SLC25A48: variants seen among roughly 807,000 people sequenced by gnomAD.
SLC25A48 encodes CTC-321K16.1.
Under a neutral mutation model 32.2 loss-of-function variants are expected in SLC25A48, and 29 were observed. That is an observed-to-expected ratio of 0.90 (90% confidence interval 0.67 to 1.23). The LOEUF is 1.23. Ranked by LOEUF, SLC25A48 falls within the 50% of genes most tolerant of loss-of-function variation. SLC25A48 has a pLI of 0.00. For synonymous variants in SLC25A48, 164 were observed against 172.3 expected (o/e 0.95, Z 0.38); for missense variants, 399 against 422.7 (o/e 0.94, Z 0.49).
chr5:135,628,197 G>A (rs1268732830), intron 1 of SLC25A48, among the ~76,000 whole-genome samples: 2 of 152,164 alleles, frequency 1.3e-5, no homozygotes, highest in African/African-American at 4.8e-5. Flanking sequence ...ATTAGATGTG[G>A]AGTCTAAGAC....
chr5:135,623,700 C>T (rs1286475800), intron 1 of SLC25A48, among the ~76,000 whole-genome samples: 2 of 152,180 alleles, frequency 1.3e-5, no homozygotes, highest in African/African-American at 4.8e-5. Context: ...TTTATCCCAG[C>T]CTTACACAGA....
chr5:135,697,450 T>C (rs1242167734), intron 3 of SLC25A48, among the ~76,000 whole-genome samples: 3 of 152,230 alleles, frequency 2.0e-5, no homozygotes, highest in African/African-American at 7.2e-5. Context: ...CTGAGAGCCA[T>C]GCTGGCTGCG....
At chr5:135,867,746 G>A (rs956719826) in intron 4 of SLC25A48, among the ~76,000 whole-genome samples, 1 of 152,112 alleles carries the variant, frequency 6.6e-6, no homozygotes, top group East Asian at 1.9e-4. Flanking sequence ...GTGGTGGTGT[G>A]GTGCATTTTT....
At position 135,850,438 on chromosome 5, in the gene SLC25A48, C is replaced by T; in HGVS notation, c.104C>T (p.Ala35Val). Residue 35 changes from alanine (A) to valine (V), a missense_variant, in exon 3 of 8, where the codon GCT becomes GTT. Transcript: ENST00000681962. Reference sequence around the variant, plus strand: ...CTCTCTCCATAGACTCGCCTGCAGGCTGGCGTTGGCTACGGAAACACCCTC... The same window carrying T: ...CTCTCTCCATAGACTCGCCTGCAGGTTGGCGTTGGCTACGGAAACACCCTC... The part of the protein sequence containing the change: ...PLDTVKTRLQ[A>V]GVGYGNTLSC... The T allele has an allele frequency of 6.2e-7, 1 of 1,614,156 alleles. No homozygotes were observed. Among genetic ancestry groups the T allele is most frequent in the Non-Finnish European group, 8.5e-7 (1 of 1,180,024 alleles).
At chr5:135,852,418 C>G (rs1048383863) in intron 3 of SLC25A48, 145 bp from the exon 4 acceptor site, 9 of 1,011,124 alleles carry the variant, frequency 8.9e-6, no homozygotes, top group East Asian at 2.5e-5. Flanking sequence ...TTCCCCACCC[C>G]CTACCTCCTG....
upstream of SLC25A48, among the ~76,000 whole-genome samples, chr5:135,834,206 C>T (rs1236286280): frequency 1.3e-5 from 2 of 152,176 alleles, no homozygotes; most frequent in Non-Finnish European, 2.9e-5. Context: ...TGGCCCAGGG[C>T]GGACAGTGTA....
intron 3 of SLC25A48, among the ~76,000 whole-genome samples, chr5:135,774,034 C>T (rs1756484761): frequency 6.6e-6 from 1 of 151,650 alleles, no homozygotes; most frequent in African/African-American, 2.4e-5. Flanking sequence ...CAGTCTACAC[C>T]TCCCAAAATA....
chr5:135,794,500 G>T (rs552299589), intron 3 of SLC25A48, among the ~76,000 whole-genome samples: 17 of 151,910 alleles, frequency 1.1e-4, no homozygotes, highest in Non-Finnish European at 2.2e-4. Context: ...ATCGCAGTGG[G>T]TGTACACCTT....
At position 135,813,513 on chromosome 5, in the gene SLC25A48, GGAA is replaced by G. The variant is rs576293230; in HGVS notation, c.-117+589_-117+591del. ...GTCAGGGCCATAGATGGGGCGAGAGGGAAGGAGAGCTATAAGACCCTTGAGTAG... is the reference window on the plus strand; with the variant it reads ...GTCAGGGCCATAGATGGGGCGAGAGGGGAGAGCTATAAGACCCTTGAGTAG... On this transcript the variant is annotated intron_variant, in intron 4 of 10. Coordinates refer to the SLC25A48 transcript ENST00000646290. Among the ~76,000 whole-genome samples, 952 of 152,256 alleles carry G rather than the reference GGAA, an allele frequency of 6.3e-3. 5 individuals are homozygous for G. The highest frequency in any genetic ancestry group is 0.014 in the Middle Eastern group (4 of 294).
chr5:135,847,229 A>T (rs1432850494), intron 2 of SLC25A48, among the ~76,000 whole-genome samples: 1 of 152,232 alleles, frequency 6.6e-6, no homozygotes, highest in African/African-American at 2.4e-5. Flanking sequence ...AGTATCTATT[A>T]TATACCTAAC....
At chr5:135,874,210 C>T (rs1355499853) in intron 6 of SLC25A48, 56 bp downstream of exon 6, 1 of 1,395,190 alleles carries the variant, frequency 7.2e-7, no homozygotes, top group South Asian at 1.7e-5. Context: ...GTGGTTCACA[C>T]ATTTAGGGGG....
intron 3 of SLC25A48, among the ~76,000 whole-genome samples, chr5:135,747,726 A>G (rs1238208795): frequency 6.6e-6 from 1 of 152,202 alleles, no homozygotes; most frequent in Non-Finnish European, 1.5e-5. Context: ...ATTAAACTGC[A>G]ATGTATCAGT....
intron 4 of SLC25A48, among the ~76,000 whole-genome samples, chr5:135,868,959 T>G (rs1761432950): frequency 6.6e-6 from 1 of 152,136 alleles, no homozygotes; most frequent in South Asian, 2.1e-4. Flanking sequence ...GTTTAGACAC[T>G]GGGACAATTA....
In SLC25A48 at chr5:135,727,393, C is replaced by T. The variant is rs752048832; in HGVS notation, c.-520-85130C>T. ...TTAATCCTCCTAGCAGGGTCTTTTTCGGAGCAAAAGTTTTTAATTTTGATG... is the reference window on the plus strand; with the variant it reads ...TTAATCCTCCTAGCAGGGTCTTTTTTGGAGCAAAAGTTTTTAATTTTGATG... On this transcript the variant is annotated intron_variant, in intron 3 of 10. Coordinates refer to the SLC25A48 transcript ENST00000646290. 9.2e-5 allele frequency among the ~76,000 whole-genome samples: 14 copies of T among 152,106 alleles called. No individual in the cohort carries two copies. The South Asian group carries it at 1.0e-3, about 11-fold the overall frequency.
intron 3 of SLC25A48, among the ~76,000 whole-genome samples, chr5:135,661,500 G>A (rs1015515531): frequency 4.6e-5 from 7 of 152,124 alleles, no homozygotes; most frequent in South Asian, 2.1e-4. Context: ...TTTTCTGACA[G>A]TTGCAAAGCC....
chr5:135,720,316 G>A (rs1424990343), intron 3 of SLC25A48, among the ~76,000 whole-genome samples: 1 of 140,804 alleles, frequency 7.1e-6, no homozygotes, highest in African/African-American at 2.5e-5. Flanking sequence ...AAGCAAATGT[G>A]GAAGCCCCAG....
chr5:135,647,893 G>A (rs1037990795), intron 3 of SLC25A48, among the ~76,000 whole-genome samples: 4 of 152,222 alleles, frequency 2.6e-5, no homozygotes, highest in South Asian at 4.2e-4. Flanking sequence ...CCACCACTGC[G>A]CTTTAGAAGG....
chr5:135,863,045 A>G (rs1760923470), intron 4 of SLC25A48, among the ~76,000 whole-genome samples: 1 of 152,142 alleles, frequency 6.6e-6, no homozygotes, highest in Non-Finnish European at 1.5e-5. Flanking sequence ...GGCTATAGCC[A>G]CAGACCTGGG....
chr5:135,791,642 G>A (rs1401936896), intron 3 of SLC25A48, among the ~76,000 whole-genome samples: 2 of 151,590 alleles, frequency 1.3e-5, no homozygotes, highest in Non-Finnish European at 3.0e-5. Flanking sequence ...CACAGAGGGT[G>A]TACATCCTGT....
Sources: gnomAD v4.1 joint callset for allele counts (sites outside exome capture counted in the v4.1 genomes callset) on GRCh38, gnomAD v4.1.1 for gene constraint, MANE v1.5 for transcripts, NCBI Gene and HGNC (gene_info 2026-07-23, HGNC 2026-07-21) for gene names.